CARD10: variants seen among roughly 807,000 people sequenced by gnomAD.
The protein encoded by CARD10 is caspase recruitment domain-containing protein 10.
CARD10 carries 49 observed loss-of-function variants against 114.6 expected under a neutral mutation model. That is an observed-to-expected ratio of 0.43 (90% CI 0.34 to 0.54). The LOEUF is 0.54. Ranked by LOEUF, CARD10 falls within the 20% of genes least tolerant of loss-of-function variation. The probability of loss-of-function intolerance (pLI) is 0.03; values close to 1 mark genes in which losing one functional copy is unlikely to be tolerated. For missense variants in CARD10, 1,206 were observed against 1,397.2 expected (o/e 0.86, Z 2.18); for synonymous variants, 602 against 593.2 (o/e 1.01, Z -0.21).
intron 9 of CARD10, 59 bp from the exon 10 acceptor site, chr22:37,503,272 C>T (rs906096107): frequency 1.1e-5 from 16 of 1,502,484 alleles, no homozygotes; most frequent in Non-Finnish European, 1.4e-5. Flanking sequence ...CACTCTGCCC[C>T]GCTCCCTCCT....
chr22:37,494,063 C>T (rs1329852350), intron 16 of CARD10, 23 bp downstream of exon 16: 32 of 1,498,806 alleles, frequency 2.1e-5, no homozygotes, highest in Non-Finnish European at 2.9e-5. Flanking sequence ...ACACGGGATA[C>T]AGCTTTGCCC....
At chr22:37,498,772 C>T (rs1923100267) in intron 11 of CARD10, among the ~76,000 whole-genome samples, 3 of 152,122 alleles carry the variant, frequency 2.0e-5, no homozygotes, top group African/African-American at 7.2e-5. Flanking sequence ...GGCTGGAGCA[C>T]ACGGTCCGCT....
At position 37,504,304 on chromosome 22, in the gene CARD10, G is replaced by A. The variant is rs565136621; in HGVS notation, c.1519-3C>T. 2 of 1,519,026 alleles carry A rather than the reference G, an allele frequency of 1.3e-6. No homozygotes were observed. The highest frequency in any genetic ancestry group is 1.3e-5 in the South Asian group (1 of 79,282). The allele number at this position is 1,519,026 out of a possible 1,614,324, so 94.1% of individuals were successfully genotyped here. ...TTTTCACTGTCTGTGGCTTCCTCCT[G>A]CAATGCCATGACAGGGCCTGGGTCA... On this transcript the variant is annotated splice_polypyrimidine_tract_variant and splice_region_variant and intron_variant, in intron 8 of 19. Transcript: ENST00000251973.
rs189008410 is a variant in CARD10, at chr22:37,517,019, G to A, written c.374-721C>T. 1.7e-3 allele frequency among the ~76,000 whole-genome samples: 265 copies of A among 152,334 alleles called. 1 individual carries two copies. Among genetic ancestry groups the A allele is most frequent in the Middle Eastern group, 6.8e-3 (2 of 294 alleles). ...GGCCCTTACACATTCCTGGTAGGAG[G>A]TATGTTGATTTAACAGTTAAAATAC... On this transcript the variant is annotated intron_variant, in intron 2 of 19. Coordinates refer to ENST00000251973, the MANE Select transcript of CARD10 (RefSeq NM_014550.4).
At chr22:37,494,924 T>C (rs1885089827) in intron 15 of CARD10, among the ~76,000 whole-genome samples, 1 of 152,082 alleles carries the variant, frequency 6.6e-6, no homozygotes, top group Admixed American at 6.5e-5. Context: ...CCAGCCACCA[T>C]CCAGGCATTG....
intron 3 of CARD10, among the ~76,000 whole-genome samples, chr22:37,513,206 G>C (rs911147866): frequency 5.9e-5 from 9 of 152,036 alleles, no homozygotes; most frequent in South Asian, 2.1e-4. Flanking sequence ...CACCTCCCGG[G>C]TTCAAGCAAT....
At chr22:37,494,276 G>T in intron 15 of CARD10, 88 bp from the exon 16 acceptor site, 1 of 848,256 alleles carries the variant, frequency 1.2e-6, no homozygotes. Flanking sequence ...GGCACAGCGG[G>T]CCCCACTGCC....
intron 5 of CARD10, 63 bp downstream of exon 5, chr22:37,508,464 T>A: frequency 2.7e-6 from 4 of 1,475,580 alleles, no homozygotes; most frequent in Non-Finnish European, 3.6e-6. Flanking sequence ...AGGGAAGGCG[T>A]GAGCACACAG....
chr22:37,496,951 A>G lies in CARD10; in HGVS notation c.1947+68T>C. 1 of 1,486,094 alleles carries G rather than the reference A, an allele frequency of 6.7e-7. No individual in the cohort carries two copies. Among genetic ancestry groups the G allele is most frequent in the Middle Eastern group, 1.9e-4 (1 of 5,244 alleles). The allele number at this position is 1,486,094 out of a possible 1,614,324, so 92.1% of individuals were successfully genotyped here. ...CTGCCCGGTGATCTTGATCCACCAA[A>G]TTAAGGGATGTCCAGCCTGGGCAAA... is the stretch of plus-strand genomic sequence containing the variant. On this transcript the variant is annotated intron_variant, in intron 12 of 19. Coordinates refer to ENST00000251973, the MANE Select transcript of CARD10 (RefSeq NM_014550.4). This position sits in a 1 kb window ranked among gnomAD's most constrained non-coding sequence, Gnocchi z 4.1.
intron 11 of CARD10, 149 bp from the exon 12 acceptor site, chr22:37,497,327 C>T (rs1923042010): frequency 1.4e-6 from 1 of 734,924 alleles, no homozygotes; most frequent in Admixed American, 3.1e-5. Context: ...CTCTTCCTTG[C>T]CTTCTCCACC....
At chr22:37,494,272 GCGGGCC>G in intron 15 of CARD10, 84 bp from the exon 16 acceptor site, 1 of 918,014 alleles carries the variant, frequency 1.1e-6, no homozygotes, top group Non-Finnish European at 1.7e-6. Context: ...CCCTGGCACA[GCGGGCC>G]CCACTGCCAC....
Position 37,492,361 on chromosome 22 carries a change from C to T in CARD10, c.2751+74G>A, listed in dbSNP as rs183212288. On this transcript the variant is annotated intron_variant, in intron 18 of 19. Coordinates refer to ENST00000251973, the MANE Select transcript of CARD10 (RefSeq NM_014550.4). This position sits in a 1 kb window ranked among gnomAD's most constrained non-coding sequence, Gnocchi z 5.7. ...AGCATGGCCCGCGCTCAGACGCTGG[C>T]GCTCAAGCCCAGAACAGCAGCACCC... The T allele has an allele frequency of 5.7e-5, 65 of 1,144,750 alleles. No homozygotes were observed. In the African/African-American group the frequency reaches 8.0e-4, roughly 14 times the overall value. 70.9% of individuals were successfully genotyped at this position (1,144,750 alleles called of 1,614,324 possible).
In CARD10 at chr22:37,496,005, T is replaced by C; in HGVS notation, c.2060-2A>G. On this transcript the variant is annotated splice_acceptor_variant, in intron 13 of 19. Transcript: ENST00000251973. LOFTEE classifies it high-confidence loss of function. This position sits in a 1 kb window ranked among gnomAD's most constrained non-coding sequence, Gnocchi z 4.1. ...GGGCCTCGTGGAAGGACTGGCAGGC[T>C]GGGCATGGATGGGGCAGGGGGCAGC... 7 of 1,613,242 alleles carry C rather than the reference T, an allele frequency of 4.3e-6. No individual in the cohort carries two copies.
At chr22:37,511,313 G>A (rs1195189710) in intron 3 of CARD10, among the ~76,000 whole-genome samples, 5 of 142,986 alleles carry the variant, frequency 3.5e-5, no homozygotes, top group African/African-American at 7.9e-5. Flanking sequence ...AACCATAATC[G>A]TGCCACTGCA....
rs904885592 is a variant in CARD10 at position 37,501,556 on chromosome 22, G to A, written c.1787+1046C>T. On this transcript the variant is annotated intron_variant, in intron 11 of 19. Transcript: ENST00000251973. This position sits in a 1 kb window ranked among gnomAD's most constrained non-coding sequence, Gnocchi z 5.4. ...TGGTCCTATGCTGTACCCATCTGCT[G>A]CGTGACCCATCCCTCTGCACCCAAC... Among the ~76,000 whole-genome samples, 1 of 152,202 alleles carries A rather than the reference G, an allele frequency of 6.6e-6. No homozygotes were observed. The highest frequency in any genetic ancestry group is 2.4e-5 in the African/African-American group (1 of 41,470).
chr22:37,491,890 A>G (rs779971846), intron 18 of CARD10, 23 bp from the exon 19 acceptor site: 29 of 1,523,372 alleles, frequency 1.9e-5, no homozygotes, highest in Non-Finnish European at 2.4e-5. Flanking sequence ...TCGAGGCTAC[A>G]ATGTACTCCT....
chr22:37,504,278 C>A lies in CARD10; in HGVS notation c.1542G>T (p.Lys514Asn). 6.4e-7 allele frequency: 1 copy of A among 1,564,096 alleles called. No homozygotes were observed. ...HNSEEATDSE[K>N]EINRLSILPF... ...GCAGGATGGAGAGCCGATTGATCTC[C>A]TTTTCACTGTCTGTGGCTTCCTCCT... Residue 514 changes from lysine to asparagine, a missense_variant, in exon 9 of 20, where the codon AAG (lysine) becomes AAT (asparagine). Transcript: ENST00000251973.
In CARD10 at chr22:37,496,838, C is replaced by T; in HGVS notation, c.1947+181G>A. On this transcript the variant is annotated intron_variant, in intron 12 of 19. Coordinates refer to ENST00000251973, the MANE Select transcript of CARD10 (RefSeq NM_014550.4). The surrounding 1 kb of genome is among the most constrained non-coding windows in gnomAD (Gnocchi z 4.1). Reference sequence around the variant, plus strand: ...AGTTGGCTCCACCTCCCAGTCCCTGCCCAATCAGACTTCAATTAAGCCTGG... The same window carrying T: ...AGTTGGCTCCACCTCCCAGTCCCTGTCCAATCAGACTTCAATTAAGCCTGG... 1.3e-6 allele frequency: 1 copy of T among 765,552 alleles called. No individual in the cohort carries two copies. The highest frequency in any genetic ancestry group is 2.1e-6 in the Non-Finnish European group (1 of 470,568). The allele number at this position is 765,552 out of a possible 1,614,324, so 47.4% of individuals were successfully genotyped here.
At chr22:37,500,217 T>C (rs939381086) in intron 11 of CARD10, among the ~76,000 whole-genome samples, 1 of 152,162 alleles carries the variant, frequency 6.6e-6, no homozygotes, top group Non-Finnish European at 1.5e-5. Context: ...GAAAGTTAAC[T>C]TGCCAAGAAT....
Sources: gnomAD v4.1 joint callset for allele counts (sites outside exome capture counted in the v4.1 genomes callset) on GRCh38, gnomAD v4.1.1 for gene constraint, Gnocchi (gnomAD v3.1) non-coding constraint, MANE v1.5 for transcripts, NCBI Gene and HGNC (gene_info 2026-07-23, HGNC 2026-07-21) for gene names.